Variants in MIER2 observed in about 807,000 individuals in gnomAD.
MIER2 encodes MIER family member 2, also known as mesoderm induction early response protein 2.
In MIER2, 30 loss-of-function variants were observed where a neutral mutation model predicts 67.6. That is an observed-to-expected ratio of 0.44 (90% CI 0.33 to 0.60). The LOEUF is 0.60. MIER2 is among the 20% of genes least tolerant of loss of function. The pLI is 0.02. For missense variants in MIER2, 702 were observed against 745.1 expected, an observed-to-expected ratio of 0.94 and a Z score of 0.67; for synonymous variants, 372 against 312.6, an observed-to-expected ratio of 1.19 and a Z score of -2.00.
Position 308,586 on chromosome 19 carries a change from T to A in MIER2, c.1189A>T (p.Met397Leu). The A allele has an allele frequency of 6.2e-7, 1 of 1,603,752 alleles. No homozygotes were observed. The highest frequency in any genetic ancestry group is 8.5e-7 in the Non-Finnish European group (1 of 1,176,742). Residue 397 changes from methionine to leucine, a missense_variant, in exon 12 of 14, where the codon ATG (methionine) becomes TTG (leucine). Physicochemically the swap from Met to Leu is conservative, Grantham distance 15. This residue lies in a region of MIER2 where 254 missense variants were observed against 262.8 expected (regional missense o/e 0.97). Transcript: ENST00000264819. The surrounding 1 kb of genome is among the most constrained non-coding windows in gnomAD (Gnocchi z 9.1). ...ACTCCCCAAGCCTCACCTGTGCGCATCCCAGTCAGGGTGTCTTGCTCCGGG... is the reference window on the plus strand; with the variant it reads ...ACTCCCCAAGCCTCACCTGTGCGCAACCCAGTCAGGGTGTCTTGCTCCGGG... ...PRPEQDTLTG[M>L]RTDPLSVDGT...
At chr19:342,379 TG>T (rs912741010) in intron 1 of MIER2, among the ~76,000 whole-genome samples, 1 of 151,684 alleles carries the variant, frequency 6.6e-6, no homozygotes, top group Admixed American at 6.6e-5. Flanking sequence ...AGGGAAGGCC[TG>T]GGGGGCCTCA....
chr19:306,838 GC>G, intron 13 of MIER2, 127 bp from the exon 14 acceptor site: 1 of 1,440,034 alleles, frequency 6.9e-7, no homozygotes, highest in South Asian at 1.3e-5. Flanking sequence ...TGGCAGCCGG[GC>G]CCGGGGTGCC....
At chr19:338,985 C>T (rs1280853775) in intron 1 of MIER2, among the ~76,000 whole-genome samples, 1 of 149,098 alleles carries the variant, frequency 6.7e-6, no homozygotes, top group East Asian at 2.0e-4. Context: ...TATTTGTAAC[C>T]TTTTGATTGA....
In MIER2 at chr19:308,253, C is replaced by T. The variant is rs1412300267; in HGVS notation, c.1198+324G>A. Reference sequence around the variant, plus strand: ...GTGTCCTGGTGACGGGCTAAGTCCCCACCCTGGGGCAGGAAGGCCCTCCCC... The same window carrying T: ...GTGTCCTGGTGACGGGCTAAGTCCCTACCCTGGGGCAGGAAGGCCCTCCCC... On this transcript the variant is annotated intron_variant, in intron 12 of 13. Transcript: ENST00000264819. The surrounding 1 kb of genome is among the most constrained non-coding windows in gnomAD (Gnocchi z 9.1). Among the ~76,000 whole-genome samples, 2 of 152,186 alleles carry T rather than the reference C, an allele frequency of 1.3e-5. No individual in the cohort carries two copies. The highest frequency in any genetic ancestry group is 4.8e-5 in the African/African-American group (2 of 41,452).
Position 328,063 on chromosome 19 carries a change from G to A in MIER2, c.244-74C>T, listed in dbSNP as rs754573276. The A allele has an allele frequency of 7.1e-4, 1,126 of 1,580,610 alleles. 1 individual carries two copies. The highest frequency in any genetic ancestry group is 9.3e-4 in the Non-Finnish European group (1,092 of 1,168,966). ...GGTTCCTGTCCCTGTCCTCTTGCCT[G>A]AGCCTCACTGGCCACAACCAGGGCC... On this transcript the variant is annotated intron_variant, in intron 3 of 13. Transcript: ENST00000264819.
At chr19:315,373 CAAACA>C (rs958726017) in intron 7 of MIER2, among the ~76,000 whole-genome samples, 209 of 152,338 alleles carry the variant, frequency 1.4e-3, no homozygotes, top group Middle Eastern at 6.8e-3. Flanking sequence ...CTCAAACAAA[CAAACA>C]AAACAAGAAC....
intron 10 of MIER2, among the ~76,000 whole-genome samples, chr19:310,621 GCCCGGAGCTATAGAAACA>G (rs1568216664): frequency 6.6e-4 from 90 of 135,444 alleles, no homozygotes; most frequent in Non-Finnish European, 1.1e-3. Context: ...TAGAAACACA[GCCCGGAGCTATAGAAACA>G]GCCCAGAGTC....
chr19:334,312 A>G, intron 3 of MIER2, 88 bp downstream of exon 3: 1 of 1,560,574 alleles, frequency 6.4e-7, no homozygotes, highest in South Asian at 1.2e-5. Context: ...AGCACTTACC[A>G]ATGTGGAATC....
In MIER2 at chr19:306,558, G is replaced by T; in HGVS notation, c.*132C>A. 3.3e-6 allele frequency: 4 copies of T among 1,220,822 alleles called. No homozygotes were observed. Among genetic ancestry groups the T allele is most frequent in the Non-Finnish European group, 4.7e-6 (4 of 859,508 alleles). The allele number at this position is 1,220,822 out of a possible 1,614,324, so 75.6% of individuals were successfully genotyped here. Reference sequence around the variant, plus strand: ...CCAGCCACCTCACCCCAGTCCTGACGTGTTCTGAAGCAGAAGGAGGTGCTA... The same window carrying T: ...CCAGCCACCTCACCCCAGTCCTGACTTGTTCTGAAGCAGAAGGAGGTGCTA... On this transcript the variant is annotated 3_prime_UTR_variant, in exon 14 of 14. Coordinates refer to ENST00000264819, the MANE Select transcript of MIER2 (RefSeq NM_017550.3).
In MIER2 at chr19:324,441, G is replaced by A. The variant is rs545984685; in HGVS notation, c.655+1194C>T. 6.9e-4 allele frequency among the ~76,000 whole-genome samples: 91 copies of A among 131,924 alleles called. 2 individuals are homozygous for A. Among genetic ancestry groups the A allele is most frequent in the African/African-American group, 2.7e-3 (88 of 32,042 alleles). The allele number at this position is 131,924 out of a possible 152,430, so 86.5% of individuals were successfully genotyped here. A position where few individuals can be genotyped will look rare whatever the true frequency, so the allele number is the denominator to read the frequency against. ...TAAAGACACACACAACCACGCAGACGACTCGAATGACACAGACGTCATCAC... is the reference window on the plus strand; with the variant it reads ...TAAAGACACACACAACCACGCAGACAACTCGAATGACACAGACGTCATCAC... On this transcript the variant is annotated intron_variant, in intron 7 of 13. Transcript: ENST00000264819.
chr19:327,197 A>G lies in MIER2; in HGVS notation c.429T>C (p.Ala143=). Residue 143 remains alanine, a synonymous_variant, in exon 5 of 14, where the codon GCT becomes GCC. Coordinates refer to ENST00000264819, the MANE Select transcript of MIER2 (RefSeq NM_017550.3). ...AGGTCACGGACGGGGTGAGGTCGTC[A>G]GCAGATGATTGCGTCTCTTCCTCTT... ...GEEEEETQSS[A]DDLTPSVTSH... The G allele has an allele frequency of 6.3e-7, 1 of 1,595,700 alleles. No individual in the cohort carries two copies. The highest frequency in any genetic ancestry group is 8.5e-7 in the Non-Finnish European group (1 of 1,174,586).
chr19:308,652 C>T lies in MIER2; in HGVS notation c.1123G>A (p.Asp375Asn). 6.2e-7 allele frequency: 1 copy of T among 1,603,716 alleles called. No individual in the cohort carries two copies. The highest frequency in any genetic ancestry group is 8.5e-7 in the Non-Finnish European group (1 of 1,176,518). The change falls in exon 12 of 14, where the codon GAC becomes AAC. Residue 375 changes from aspartate to asparagine, a missense_variant. Around this residue, in one of 3 missense-constraint regions of MIER2, gnomAD observed 254 missense variants for 262.8 expected, o/e 0.97. Coordinates refer to ENST00000264819, the MANE Select transcript of MIER2 (RefSeq NM_017550.3). The surrounding 1 kb of genome is among the most constrained non-coding windows in gnomAD (Gnocchi z 9.1). ...CCATCGGGGTCGCTGCCATCCAGGT[C>T]CTGGTCTGCGTCCCTGTGGGGAGAG... ...VPSGTTDADQ[D>N]LDGSDPDGPG...
intron 7 of MIER2, among the ~76,000 whole-genome samples, chr19:315,437 C>T (rs1314574299): frequency 6.6e-6 from 1 of 152,230 alleles, no homozygotes; most frequent in African/African-American, 2.4e-5. Context: ...TAAGAGTCAG[C>T]ACACGAAGAC....
chr19:307,618 C>T (rs1408824931), intron 12 of MIER2, 82 bp from the exon 13 acceptor site: 1 of 1,369,436 alleles, frequency 7.3e-7, no homozygotes, highest in Non-Finnish European at 9.5e-7. Flanking sequence ...TTTGCTGGGT[C>T]CAGCAAAGCC....
Position 320,273 on chromosome 19 carries a change from CG to C in MIER2, c.655+5361del, listed in dbSNP as rs1314956521. ...GCGCACATCTGTAGTCCCAGCTACTCGGGAGACTGCAGCACGAGAATCACTT... is the reference window on the plus strand; with the variant it reads ...GCGCACATCTGTAGTCCCAGCTACTCGGAGACTGCAGCACGAGAATCACTT... On this transcript the variant is annotated intron_variant, in intron 7 of 13. Transcript: ENST00000264819. Among the ~76,000 whole-genome samples the C allele has an allele frequency of 4.6e-5, 7 of 151,936 alleles. No individual in the cohort carries two copies. The East Asian group carries it at 9.7e-4, about 21-fold the overall frequency.
chr19:321,625 C>A (rs1010254048), intron 7 of MIER2, among the ~76,000 whole-genome samples: 10 of 151,730 alleles, frequency 6.6e-5, no homozygotes, highest in Non-Finnish European at 1.0e-4. Flanking sequence ...GCCTGGGCAA[C>A]AGAGCAAGAC....
At chr19:341,274 G>C (rs1321208289) in intron 1 of MIER2, among the ~76,000 whole-genome samples, 1 of 152,184 alleles carries the variant, frequency 6.6e-6, no homozygotes, top group African/African-American at 2.4e-5. Flanking sequence ...CCCCAGTCTG[G>C]ACGGCAAGTT....
At chr19:341,701 GT>G (rs1318373154) in intron 1 of MIER2, among the ~76,000 whole-genome samples, 1 of 152,182 alleles carries the variant, frequency 6.6e-6, no homozygotes, top group Non-Finnish European at 1.5e-5. Flanking sequence ...AAAGTCCTCT[GT>G]TTTGTCAAAG....
At chr19:341,903 G>T (rs1176621050) in intron 1 of MIER2, among the ~76,000 whole-genome samples, 2 of 152,108 alleles carry the variant, frequency 1.3e-5, no homozygotes, top group African/African-American at 4.8e-5. Flanking sequence ...CAGAGGACTG[G>T]GTGCAGAGCA....
Sources: allele counts gnomAD v4.1 joint callset (sites outside exome capture counted in the v4.1 genomes callset), GRCh38; gene constraint gnomAD v4.1.1; regional missense constraint gnomAD v4.1.1; non-coding constraint Gnocchi (gnomAD v3.1); transcripts MANE v1.5; gene names NCBI Gene and HGNC (gene_info 2026-07-23, HGNC 2026-07-21).